The following PAK5 variants were observed in gnomAD, a reference collection of about 807,000 sequenced individuals.
The protein encoded by PAK5 is serine/threonine-protein kinase PAK 5.
A neutral mutation model predicts 65.9 loss-of-function variants in PAK5; 16 were observed. That is an observed-to-expected ratio of 0.24 (90% confidence interval 0.16 to 0.37). The LOEUF (loss-of-function observed/expected upper bound fraction) is 0.37. PAK5 is among the 10% of genes least tolerant of loss of function. PAK5 has a pLI of 1.00. For synonymous variants in PAK5, 371 were observed against 354.9 expected (o/e 1.05, Z -0.51); for missense variants, 785 against 903.9 (o/e 0.87, Z 1.69).
In PAK5 at chr20:9,838,189, GCACACACACACGCGCGCACACACA is replaced by G. The variant is rs1333964161; in HGVS notation, c.-162+549_-162+572del. ...CCATTACAACCCACCAGGCGCGCGC[GCACACACACACGCGCGCACACACA>G]CACACACACAAATAACAAAGGAAAA... On this transcript the variant is annotated intron_variant, in intron 1 of 9. Coordinates refer to ENST00000353224, the MANE Select transcript of PAK5 (RefSeq NM_177990.4). The surrounding 1 kb of genome is among the most constrained non-coding windows in gnomAD (Gnocchi z 4.5). Among the ~76,000 whole-genome samples, 1 of 130,794 alleles carries G rather than the reference GCACACACACACGCGCGCACACACA, an allele frequency of 7.6e-6. No homozygotes were observed. The highest frequency in any genetic ancestry group is 1.6e-5 in the Non-Finnish European group (1 of 63,112). 85.8% of individuals were successfully genotyped at this position (130,794 alleles called of 152,430 possible).
At chr20:9,670,389 CA>C (rs1206601631) in intron 2 of PAK5, among the ~76,000 whole-genome samples, 1 of 152,158 alleles carries the variant, frequency 6.6e-6, no homozygotes, top group Non-Finnish European at 1.5e-5. Context: ...GTCCCACCAA[CA>C]GTGTAAAAGT....
At chr20:9,616,481 C>T (rs1287819769) in intron 3 of PAK5, among the ~76,000 whole-genome samples, 1 of 152,194 alleles carries the variant, frequency 6.6e-6, no homozygotes, top group Non-Finnish European at 1.5e-5. Context: ...TCGGCTAAAG[C>T]CTTTGTGTTC....
At chr20:9,550,269 A>G (rs2045406167) in intron 7 of PAK5, among the ~76,000 whole-genome samples, 1 of 152,146 alleles carries the variant, frequency 6.6e-6, no homozygotes, top group Non-Finnish European at 1.5e-5. Context: ...CCGTGAGTGA[A>G]GAGGCTGCAA....
chr20:9,543,232 T>A (rs2045294611), intron 8 of PAK5, among the ~76,000 whole-genome samples: 1 of 152,214 alleles, frequency 6.6e-6, no homozygotes. Flanking sequence ...CTACCTTTTA[T>A]TATCATTTCA....
chr20:9,823,825 A>G (rs565292956), intron 1 of PAK5, among the ~76,000 whole-genome samples: 2 of 152,182 alleles, frequency 1.3e-5, no homozygotes, highest in African/African-American at 4.8e-5. Flanking sequence ...CTGGGGGGGA[A>G]ATCCTAACTA....
At chr20:9,768,598 C>G (rs758012100) in intron 1 of PAK5, among the ~76,000 whole-genome samples, 1 of 152,060 alleles carries the variant, frequency 6.6e-6, no homozygotes, top group African/African-American at 2.4e-5. Flanking sequence ...GCCTGGCCAA[C>G]ATGGCATAAC....
chr20:9,702,011 AAAGAAGTAAT>A (rs2047945817), intron 2 of PAK5, among the ~76,000 whole-genome samples: 1 of 152,112 alleles, frequency 6.6e-6, no homozygotes, highest in South Asian at 2.1e-4. Flanking sequence ...AAAAATTTAA[AAAGAAGTAAT>A]AAGTTTTGCT....
At chr20:9,642,406 CAATGAT>C (rs1238201652) in intron 3 of PAK5, among the ~76,000 whole-genome samples, 2 of 152,018 alleles carry the variant, frequency 1.3e-5, no homozygotes, top group Non-Finnish European at 2.9e-5. Context: ...GTTTCTTATC[CAATGAT>C]AATGATAATG....
intron 3 of PAK5, among the ~76,000 whole-genome samples, chr20:9,630,625 C>A (rs1351224665): frequency 1.3e-5 from 2 of 152,188 alleles, no homozygotes; most frequent in East Asian, 3.9e-4. Context: ...CAGACCCTTC[C>A]AATTCTACTA....
At chr20:9,571,583 A>C (rs552704520) in intron 4 of PAK5, among the ~76,000 whole-genome samples, 7 of 152,330 alleles carry the variant, frequency 4.6e-5, no homozygotes, top group Admixed American at 4.6e-4. Flanking sequence ...CATTTCCAAC[A>C]TTCATTGATT....
chr20:9,624,359 C>T (rs186230644), intron 3 of PAK5, among the ~76,000 whole-genome samples: 1 of 151,866 alleles, frequency 6.6e-6, no homozygotes, highest in Non-Finnish European at 1.5e-5. Flanking sequence ...TAGCCCATGA[C>T]GGGTATTCAA....
intron 1 of PAK5, among the ~76,000 whole-genome samples, chr20:9,787,765 C>T (rs958873559): frequency 6.6e-6 from 1 of 151,924 alleles, no homozygotes; most frequent in East Asian, 1.9e-4. Context: ...ATGCAGTAGA[C>T]ACCATGGTAC....
At chr20:9,708,783 T>C (rs991660084) in intron 2 of PAK5, among the ~76,000 whole-genome samples, 2 of 152,126 alleles carry the variant, frequency 1.3e-5, no homozygotes, top group African/African-American at 4.8e-5. Flanking sequence ...TCGAGACATA[T>C]GGGAGAAGAT....
At chr20:9,612,770 C>G (rs1379015310) in intron 3 of PAK5, among the ~76,000 whole-genome samples, 1 of 152,160 alleles carries the variant, frequency 6.6e-6, no homozygotes, top group Non-Finnish European at 1.5e-5. Flanking sequence ...TCAACCCATT[C>G]TCATCTTTGC....
chr20:9,675,901 A>G (rs1346624608), intron 2 of PAK5, among the ~76,000 whole-genome samples: 1 of 117,202 alleles, frequency 8.5e-6, no homozygotes, highest in Non-Finnish European at 1.8e-5. Flanking sequence ...TTAATTCTGT[A>G]ACACTTACAA....
intron 1 of PAK5, among the ~76,000 whole-genome samples, chr20:9,826,045 T>G (rs1416480476): frequency 6.6e-6 from 1 of 152,202 alleles, no homozygotes; most frequent in East Asian, 1.9e-4. Flanking sequence ...AAGTGAAGAC[T>G]CCATGACTGA....
At chr20:9,729,972 A>G (rs2123549826) in intron 1 of PAK5, among the ~76,000 whole-genome samples, 1 of 139,026 alleles carries the variant, frequency 7.2e-6, no homozygotes, top group Non-Finnish European at 1.5e-5. Flanking sequence ...TGACCATGCC[A>G]CTGCACTCAA....
intron 2 of PAK5, among the ~76,000 whole-genome samples, chr20:9,657,993 C>A (rs1473038265): frequency 1.3e-5 from 2 of 152,176 alleles, no homozygotes; most frequent in East Asian, 1.9e-4. Flanking sequence ...ATACACCCAT[C>A]TACTTTCTGA....
At position 9,832,418 on chromosome 20, in the gene PAK5, G is replaced by T. The variant is rs554900639; in HGVS notation, c.-162+6344C>A. Among the ~76,000 whole-genome samples the T allele has an allele frequency of 4.6e-5, 7 of 152,166 alleles. No homozygotes were observed. The East Asian group carries it at 1.4e-3, about 30-fold the overall frequency. ...CTCCCAAGAAGTTGAGATTACAGGA[G>T]TGTGCCACCACACCCAGCTATTTTT... On this transcript the variant is annotated intron_variant, in intron 1 of 9. Transcript: ENST00000353224.
Sources: gnomAD v4.1 joint callset for allele counts (sites outside exome capture counted in the v4.1 genomes callset) on GRCh38, gnomAD v4.1.1 for gene constraint, Gnocchi (gnomAD v3.1) non-coding constraint, MANE v1.5 for transcripts, NCBI Gene and HGNC (gene_info 2026-07-23, HGNC 2026-07-21) for gene names.